Variants in SORCS2 observed in about 807,000 individuals in gnomAD.
SORCS2 encodes the protein sortilin related VPS10 domain containing receptor 2.
Under a neutral mutation model 141.6 loss-of-function variants are expected in SORCS2, and 100 were observed. The observed-to-expected ratio is 0.71, with a 90% CI of 0.60 to 0.83. The LOEUF (loss-of-function observed/expected upper bound fraction) is 0.83, where lower values mean the gene tolerates loss of function less well. Ranked by LOEUF, SORCS2 falls within the 40% of genes least tolerant of loss-of-function variation. SORCS2 has a pLI of 0.00. For synonymous variants in SORCS2, 789 were observed against 676.9 expected, an observed-to-expected ratio of 1.17 and a Z score of -2.57; for missense variants, 1,646 against 1,560.2, an observed-to-expected ratio of 1.05 and a Z score of -0.93.
chr4:7,473,602 A>G (rs888194380), intron 2 of SORCS2, among the ~76,000 whole-genome samples: 5 of 152,324 alleles, frequency 3.3e-5, no homozygotes, highest in Admixed American at 1.3e-4. Context: ...AACCCAAGAC[A>G]GAATCGGGTC....
intron 3 of SORCS2, among the ~76,000 whole-genome samples, chr4:7,537,944 C>A (rs142370636): frequency 6.6e-6 from 1 of 152,264 alleles, no homozygotes; most frequent in Non-Finnish European, 1.5e-5. Flanking sequence ...TATGATCCCA[C>A]CACTACACTC....
At position 7,740,201 on chromosome 4, in the gene SORCS2, C is replaced by T. The variant is rs764331833; in HGVS notation, c.3417C>T (p.Gly1139=). 2 of 1,607,568 alleles carry T rather than the reference C, an allele frequency of 1.2e-6. No homozygotes were observed. Reference sequence around the variant, plus strand: ...ACCTGCGTCTCTTCTGTTTCCTAGGCAACCACTCAGGCGTGGTCCTGAGCA... The same window carrying T: ...ACCTGCGTCTCTTCTGTTTCCTAGGTAACCACTCAGGCGTGGTCCTGAGCA... ...HSEDVQGAVQ[G]NHSGVVLSIN... The change falls in exon 27 of 27, where the codon GGC becomes GGT. Residue 1139 remains glycine, a splice_region_variant and synonymous_variant. Coordinates refer to ENST00000507866, the MANE Select transcript of SORCS2 (RefSeq NM_020777.3).
intron 1 of SORCS2, among the ~76,000 whole-genome samples, chr4:7,240,475 G>C (rs897373006): frequency 1.3e-5 from 2 of 152,186 alleles, no homozygotes; most frequent in African/African-American, 4.8e-5. Flanking sequence ...AGGCTGGAGT[G>C]ATGATAATTA....
chr4:7,560,118 G>A (rs114286732), intron 3 of SORCS2, among the ~76,000 whole-genome samples: 4,090 of 152,298 alleles, frequency 0.027, 187 homozygotes, highest in African/African-American at 0.092. Context: ...AGGAGCACAG[G>A]AAAAATGCCG....
chr4:7,705,338 G>A (rs62290734), intron 14 of SORCS2, among the ~76,000 whole-genome samples: 3,727 of 152,302 alleles, frequency 0.024, 63 homozygotes, highest in South Asian at 0.058. Context: ...CCTCCAGAGC[G>A]CTGAGAGAGC....
intron 1 of SORCS2, among the ~76,000 whole-genome samples, chr4:7,265,635 G>A (rs1228298936): frequency 6.6e-6 from 1 of 152,180 alleles, no homozygotes; most frequent in African/African-American, 2.4e-5. Flanking sequence ...GTGGACACAC[G>A]GCCTCCTCCC....
intron 2 of SORCS2, among the ~76,000 whole-genome samples, chr4:7,407,034 G>A (rs940673146): frequency 2.0e-5 from 3 of 151,910 alleles, no homozygotes; most frequent in Non-Finnish European, 2.9e-5. Context: ...ATTTATTTGC[G>A]GTCAGAAAAG....
intron 1 of SORCS2, among the ~76,000 whole-genome samples, chr4:7,293,040 A>G (rs1716714378): frequency 6.6e-6 from 1 of 151,972 alleles, no homozygotes; most frequent in South Asian, 2.1e-4. Context: ...GTGGTGGCTC[A>G]CACCTGCAAT....
At chr4:7,697,325 C>A in intron 12 of SORCS2, 51 bp downstream of exon 12, 1 of 1,437,152 alleles carries the variant, frequency 7.0e-7, no homozygotes, top group Non-Finnish European at 9.6e-7. Flanking sequence ...CAGCCGGGAC[C>A]CTCAGGAGAC....
At chr4:7,701,864 C>T (rs940306949) in intron 12 of SORCS2, among the ~76,000 whole-genome samples, 7 of 152,300 alleles carry the variant, frequency 4.6e-5, no homozygotes, top group South Asian at 2.1e-4. Flanking sequence ...CCCCAGCTGC[C>T]CTTGAATGTC....
At chr4:7,440,930 T>G (rs1032083706) in intron 2 of SORCS2, among the ~76,000 whole-genome samples, 4 of 151,634 alleles carry the variant, frequency 2.6e-5, no homozygotes, top group Middle Eastern at 6.8e-3. Context: ...CTCTTTGCGG[T>G]GGAGAGACAG....
intron 14 of SORCS2, among the ~76,000 whole-genome samples, chr4:7,705,649 A>G (rs944344801): frequency 9.2e-5 from 14 of 151,792 alleles, no homozygotes; most frequent in Non-Finnish European, 2.1e-4. Context: ...GTGTGGATCT[A>G]TGGACTGGGA....
chr4:7,589,092 G>A (rs11722777), intron 3 of SORCS2, among the ~76,000 whole-genome samples: 56,343 of 151,944 alleles, frequency 0.37, 11,356 homozygotes, highest in East Asian at 0.83. Flanking sequence ...GAGGTGTGGG[G>A]CGAAGGGGTT....
Position 7,729,716 on chromosome 4 carries a change from T to C in SORCS2, c.3108+4T>C, listed in dbSNP as rs1711524015. On this transcript the variant is annotated splice_donor_region_variant and intron_variant, in intron 23 of 26. Coordinates refer to ENST00000507866, the MANE Select transcript of SORCS2 (RefSeq NM_020777.3). ...GAGGAGCCTCTCGAGTGATAAGGTA[T>C]GTCCTGTGGCCGCTGCACTCCCAGG... The C allele has an allele frequency of 6.2e-7, 1 of 1,610,344 alleles. No homozygotes were observed. Among genetic ancestry groups the C allele is most frequent in the South Asian group, 1.1e-5 (1 of 90,128 alleles).
chr4:7,632,299 C>G (rs1478861332), intron 3 of SORCS2, among the ~76,000 whole-genome samples: 1 of 152,176 alleles, frequency 6.6e-6, no homozygotes, highest in African/African-American at 2.4e-5. Context: ...AAAAACCAGC[C>G]TCCTGGGCCC....
At chr4:7,229,680 G>A (rs1711674645) in intron 1 of SORCS2, among the ~76,000 whole-genome samples, 1 of 152,244 alleles carries the variant, frequency 6.6e-6, no homozygotes, top group African/African-American at 2.4e-5. Flanking sequence ...GGTCGTGGGT[G>A]TTCCAGGGTC....
intron 2 of SORCS2, among the ~76,000 whole-genome samples, chr4:7,446,582 C>G (rs1728016072): frequency 6.6e-6 from 1 of 152,186 alleles, no homozygotes; most frequent in South Asian, 2.1e-4. Context: ...GGGACTGAGC[C>G]TGCTCCTTTG....
intron 2 of SORCS2, among the ~76,000 whole-genome samples, chr4:7,457,970 G>A (rs1191272151): frequency 2.0e-5 from 3 of 152,194 alleles, no homozygotes; most frequent in Non-Finnish European, 2.9e-5. Flanking sequence ...CTGTTAGCCC[G>A]AGAGGCCGTA....
intron 2 of SORCS2, among the ~76,000 whole-genome samples, chr4:7,505,718 C>T (rs1403302718): frequency 6.6e-6 from 1 of 152,106 alleles, no homozygotes; most frequent in Non-Finnish European, 1.5e-5. Context: ...AGCAGCAAGG[C>T]CCCAGAGCTG....
Sources: allele counts gnomAD v4.1 joint callset (sites outside exome capture counted in the v4.1 genomes callset), GRCh38; gene constraint gnomAD v4.1.1; transcripts MANE v1.5; gene names NCBI Gene and HGNC (gene_info 2026-07-23, HGNC 2026-07-21).